Variants in SLC25A13 observed in about 807,000 individuals in gnomAD.
SLC25A13 encodes the protein electrogenic aspartate/glutamate antiporter SLC25A13, mitochondrial.
In SLC25A13, 70 loss-of-function variants were observed where a neutral mutation model predicts 85.5. The ratio of observed to expected loss-of-function variants is 0.82; its 90% confidence interval spans 0.68 to 1.00. The LOEUF (loss-of-function observed/expected upper bound fraction) is 1.00. Ranked by LOEUF, SLC25A13 falls within the 50% of genes least tolerant of loss-of-function variation. The pLI is 0.00. For synonymous variants in SLC25A13, 259 were observed against 288.7 expected, an observed-to-expected ratio of 0.90 and a Z score of 1.04; for missense variants, 765 against 819.8, an observed-to-expected ratio of 0.93 and a Z score of 0.82.
At chr7:96,155,295 T>C (rs1463571719) in intron 13 of SLC25A13, among the ~76,000 whole-genome samples, 1 of 152,208 alleles carries the variant, frequency 6.6e-6, no homozygotes, top group Non-Finnish European at 1.5e-5. Flanking sequence ...GGATTTTTTT[T>C]CAAAGGCTCC....
chr7:96,286,023 G>A (rs1188614472), intron 2 of SLC25A13, among the ~76,000 whole-genome samples: 1 of 152,134 alleles, frequency 6.6e-6, no homozygotes, highest in Non-Finnish European at 1.5e-5. Flanking sequence ...GGTGGCTCAT[G>A]CCTGTAATCC....
At chr7:96,287,985 G>A (rs999285004) in intron 2 of SLC25A13, among the ~76,000 whole-genome samples, 3 of 152,114 alleles carry the variant, frequency 2.0e-5, no homozygotes, top group East Asian at 1.9e-4. Context: ...ATGCACATAC[G>A]AAGACCTTCT....
At chr7:96,256,474 G>A (rs1447277249) in intron 3 of SLC25A13, among the ~76,000 whole-genome samples, 1 of 151,938 alleles carries the variant, frequency 6.6e-6, no homozygotes, top group Non-Finnish European at 1.5e-5. Flanking sequence ...GACAAAGAAG[G>A]GCATTATATA....
intron 5 of SLC25A13, among the ~76,000 whole-genome samples, chr7:96,198,280 A>C (rs1360426555): frequency 6.6e-6 from 1 of 152,206 alleles, no homozygotes; most frequent in Non-Finnish European, 1.5e-5. Flanking sequence ...AGAGGTCATG[A>C]ATGACAGGCA....
chr7:96,261,513 C>A (rs1797850541), intron 3 of SLC25A13, among the ~76,000 whole-genome samples: 1 of 152,108 alleles, frequency 6.6e-6, no homozygotes, highest in Admixed American at 6.6e-5. Context: ...TCTTCTTTCA[C>A]CTTTTGCTTA....
In SLC25A13 at chr7:96,286,141, G is replaced by A. The variant is rs188775674; in HGVS notation, c.70-8803C>T. On this transcript the variant is annotated intron_variant, in intron 2 of 17. Coordinates refer to ENST00000265631, the MANE Select transcript of SLC25A13 (RefSeq NM_014251.3). ...CTACTAAAAATGCAAAAAATTACCC[G>A]GGCATGGTGGCAGGCGCCTGTAGTC... is the stretch of plus-strand genomic sequence containing the variant. Among the ~76,000 whole-genome samples, 115 of 151,948 alleles carry A rather than the reference G, an allele frequency of 7.6e-4. 1 individual carries two copies. The South Asian group carries it at 0.018, about 23-fold the overall frequency.
intron 4 of SLC25A13, among the ~76,000 whole-genome samples, chr7:96,228,898 C>A (rs951762136): frequency 6.6e-6 from 1 of 152,176 alleles, no homozygotes; most frequent in Non-Finnish European, 1.5e-5. Context: ...ACTCCTGGCC[C>A]ACCCACGCTG....
intron 3 of SLC25A13, among the ~76,000 whole-genome samples, chr7:96,238,594 T>C (rs1005886337): frequency 6.6e-6 from 1 of 152,110 alleles, no homozygotes. Flanking sequence ...CATGCTGTAA[T>C]AAAAGAAGAC....
intron 1 of SLC25A13, chr7:96,306,902 G>T: frequency 9.3e-7 from 1 of 1,080,234 alleles, no homozygotes. Flanking sequence ...AATCTCTCTT[G>T]CCCTTCACTT....
chr7:96,285,356 A>C (rs1366348235), intron 2 of SLC25A13, among the ~76,000 whole-genome samples: 1 of 152,142 alleles, frequency 6.6e-6, no homozygotes, highest in African/African-American at 2.4e-5. Context: ...TGGAATTCCA[A>C]ACCCCCAATT....
intron 13 of SLC25A13, among the ~76,000 whole-genome samples, chr7:96,162,871 G>C (rs78139443): frequency 0.029 from 4,381 of 152,244 alleles, 159 homozygotes; most frequent in African/African-American, 0.082. Flanking sequence ...TTCATTTAAT[G>C]GGTACCCTTA....
chr7:96,218,702 C>A (rs1322804703), intron 4 of SLC25A13, among the ~76,000 whole-genome samples: 1 of 152,136 alleles, frequency 6.6e-6, no homozygotes. Flanking sequence ...ATCTCTCTCT[C>A]TTTCTCATGG....
intron 15 of SLC25A13, among the ~76,000 whole-genome samples, chr7:96,127,472 T>G (rs1025325711): frequency 1.3e-5 from 2 of 152,194 alleles, no homozygotes; most frequent in African/African-American, 4.8e-5. Context: ...AAACCCAACA[T>G]TCTCTAGGTG....
intron 4 of SLC25A13, among the ~76,000 whole-genome samples, chr7:96,229,037 C>T (rs376034040): frequency 2.6e-5 from 4 of 152,172 alleles, no homozygotes; most frequent in African/African-American, 4.8e-5. Flanking sequence ...CAACGGGTGC[C>T]GCCCCCTGCT....
intron 12 of SLC25A13, 60 bp from the exon 13 acceptor site, chr7:96,170,185 A>C (rs1793940931): frequency 1.4e-6 from 2 of 1,399,648 alleles, no homozygotes; most frequent in East Asian, 4.6e-5. Context: ...TTAAACACTT[A>C]TAAATATGCA....
At chr7:96,128,938 T>TGCTCTC (rs1791868597) in intron 15 of SLC25A13, among the ~76,000 whole-genome samples, 1 of 31,312 alleles carries the variant, frequency 3.2e-5, no homozygotes, top group Non-Finnish European at 8.4e-5. Flanking sequence ...CTGCCTTGCT[T>TGCTCTC]GCTCTCTCTC....
intron 4 of SLC25A13, among the ~76,000 whole-genome samples, chr7:96,223,034 G>T (rs532248930): frequency 6.6e-6 from 1 of 151,992 alleles, no homozygotes; most frequent in Non-Finnish European, 1.5e-5. Flanking sequence ...ATCTTTAAAG[G>T]GCAGCTCACT....
intron 1 of SLC25A13, among the ~76,000 whole-genome samples, chr7:96,317,403 A>AT (rs1800171157): frequency 6.6e-6 from 1 of 152,102 alleles, no homozygotes; most frequent in South Asian, 2.1e-4. Context: ...TTGGAACTGA[A>AT]TTTTAAATGA....
chr7:96,260,026 G>A, intron 3 of SLC25A13, among the ~76,000 whole-genome samples: 1 of 150,856 alleles, frequency 6.6e-6, no homozygotes, highest in South Asian at 2.1e-4. Flanking sequence ...CGCACAAGGA[G>A]GGAAACATCA....
Sources: allele counts gnomAD v4.1 joint callset (sites outside exome capture counted in the v4.1 genomes callset), GRCh38; gene constraint gnomAD v4.1.1; transcripts MANE v1.5; gene names NCBI Gene and HGNC (gene_info 2026-07-23, HGNC 2026-07-21).